Variants in HMGCLL1 observed in about 807,000 individuals in gnomAD.
The protein encoded by HMGCLL1 is 3-hydroxymethyl-3-methylglutaryl-CoA lyase, cytoplasmic.
HMGCLL1 carries 36 observed loss-of-function variants against 39.1 expected under a neutral mutation model. The ratio of observed to expected loss-of-function variants is 0.92; its 90% CI spans 0.71 to 1.22. HMGCLL1 has a LOEUF of 1.22. Among genes scored for constraint, HMGCLL1 ranks in the 50% most tolerant of loss-of-function variants. The probability of loss-of-function intolerance (pLI) is 0.00; values close to 1 mark genes in which losing one functional copy is unlikely to be tolerated. For missense variants in HMGCLL1, 451 were observed against 416.5 expected, an observed-to-expected ratio of 1.08 and a Z score of -0.72; for synonymous variants, 149 against 144.0, an observed-to-expected ratio of 1.03 and a Z score of -0.25.
At chr6:55,666,901 T>C in the HMGCLL1 span, among the ~76,000 whole-genome samples, 2 of 151,582 alleles carry the variant, frequency 1.3e-5, no homozygotes, top group Non-Finnish European at 3.0e-5. Flanking sequence ...TACAACATTA[T>C]ACATAGAAGC....
At chr6:55,596,152 C>A in the HMGCLL1 span, among the ~76,000 whole-genome samples, 1 of 152,076 alleles carries the variant, frequency 6.6e-6, no homozygotes, top group East Asian at 1.9e-4. Context: ...TGGTGAAACC[C>A]CATCTCTACC....
chr6:55,664,932 G>C, the HMGCLL1 span, among the ~76,000 whole-genome samples: 2 of 151,676 alleles, frequency 1.3e-5, no homozygotes, highest in African/African-American at 2.4e-5. Flanking sequence ...TGGGGAGAGA[G>C]AGAAAGAGAC....
chr6:55,641,157 A>G, the HMGCLL1 span, among the ~76,000 whole-genome samples: 1 of 151,846 alleles, frequency 6.6e-6, no homozygotes, highest in African/African-American at 2.4e-5. Context: ...AAAAAACAGT[A>G]ACAAAAACTA....
chr6:55,544,123 G>C (rs1400314212), intron 1 of HMGCLL1, among the ~76,000 whole-genome samples: 1 of 151,932 alleles, frequency 6.6e-6, no homozygotes, highest in African/African-American at 2.4e-5. Context: ...TAACCCACTG[G>C]GAGCAGCCTA....
chr6:55,633,881 T>C, the HMGCLL1 span, among the ~76,000 whole-genome samples: 1 of 152,050 alleles, frequency 6.6e-6, no homozygotes, highest in Non-Finnish European at 1.5e-5. Flanking sequence ...TGCCGAAAAA[T>C]TGTTTTTAAG....
At chr6:55,642,108 T>G in the HMGCLL1 span, among the ~76,000 whole-genome samples, 1 of 120,422 alleles carries the variant, frequency 8.3e-6, no homozygotes. Context: ...CCTTCCTGTG[T>G]CCATGTGATC....
intron 3 of HMGCLL1, among the ~76,000 whole-genome samples, chr6:55,532,830 T>A (rs1397905919): frequency 1.4e-5 from 2 of 146,818 alleles, no homozygotes; most frequent in Non-Finnish European, 3.0e-5. Context: ...ATAATAATAA[T>A]AATAATAATA....
chr6:55,435,793 G>A, intron 8 of HMGCLL1, 30 bp from the exon 9 acceptor site: 2 of 1,197,666 alleles, frequency 1.7e-6, no homozygotes, highest in Non-Finnish European at 2.4e-6. Context: ...ATATCAGGAA[G>A]GCAGAGGGAT....
chr6:55,616,195 T>C, the HMGCLL1 span, among the ~76,000 whole-genome samples: 3 of 152,090 alleles, frequency 2.0e-5, no homozygotes, highest in Non-Finnish European at 2.9e-5. Flanking sequence ...AATCTATGTT[T>C]GCTATGGGAT....
At chr6:55,443,842 T>C (rs1763707722) in intron 7 of HMGCLL1, among the ~76,000 whole-genome samples, 1 of 152,098 alleles carries the variant, frequency 6.6e-6, no homozygotes, top group Admixed American at 6.6e-5. Context: ...TTCAACAACA[T>C]GGACTAATTT....
intron 5 of HMGCLL1, among the ~76,000 whole-genome samples, chr6:55,508,890 G>C (rs2127432998): frequency 6.6e-6 from 1 of 151,802 alleles, no homozygotes; most frequent in Middle Eastern, 3.4e-3. Context: ...TCCAGCAAAA[G>C]AATATTTAAT....
chr6:55,604,112 A>G, the HMGCLL1 span, among the ~76,000 whole-genome samples: 5 of 152,104 alleles, frequency 3.3e-5, no homozygotes, highest in African/African-American at 4.8e-5. Flanking sequence ...AAAGGAAAGC[A>G]TTTAGAGAAA....
At chr6:55,494,787 G>T (rs57555928) in intron 7 of HMGCLL1, among the ~76,000 whole-genome samples, 3 of 151,956 alleles carry the variant, frequency 2.0e-5, no homozygotes, top group East Asian at 3.9e-4. Context: ...AATAATACTC[G>T]TTTAATGCTA....
chr6:55,462,839 G>T (rs1764633191), intron 7 of HMGCLL1, among the ~76,000 whole-genome samples: 1 of 152,090 alleles, frequency 6.6e-6, no homozygotes, highest in African/African-American at 2.4e-5. Flanking sequence ...CTTCTCAGGA[G>T]TAGTTAACTG....
chr6:55,472,038 T>A (rs149459990), intron 7 of HMGCLL1, among the ~76,000 whole-genome samples: 40 of 151,898 alleles, frequency 2.6e-4, no homozygotes, highest in African/African-American at 8.4e-4. Context: ...AGAATCTATG[T>A]ACAAATTTTA....
At chr6:55,570,590 A>G (rs1196889709) in intron 1 of HMGCLL1, among the ~76,000 whole-genome samples, 2 of 152,128 alleles carry the variant, frequency 1.3e-5, no homozygotes, top group Non-Finnish European at 2.9e-5. Context: ...TTTCACCATC[A>G]TTCCCTTCAT....
the HMGCLL1 span, among the ~76,000 whole-genome samples, chr6:55,605,831 A>G: frequency 3.3e-5 from 5 of 152,230 alleles, no homozygotes; most frequent in South Asian, 2.1e-4. Context: ...ATGTTGCAAT[A>G]TTTATTTTCA....
chr6:55,456,385 T>C (rs1051839255), intron 7 of HMGCLL1, among the ~76,000 whole-genome samples: 1 of 152,236 alleles, frequency 6.6e-6, no homozygotes, highest in African/African-American at 2.4e-5. Flanking sequence ...TCTTTAGATA[T>C]GAGTCAAATT....
At chr6:55,453,379 C>T (rs182557742) in intron 7 of HMGCLL1, among the ~76,000 whole-genome samples, 138 of 152,212 alleles carry the variant, frequency 9.1e-4, no homozygotes, top group African/African-American at 3.2e-3. Context: ...CGGGGTTTCA[C>T]CGCGTTAGCC....
Sources: gnomAD v4.1 joint callset for allele counts (sites outside exome capture counted in the v4.1 genomes callset) on GRCh38, gnomAD v4.1.1 for gene constraint, MANE v1.5 for transcripts, NCBI Gene and HGNC (gene_info 2026-07-23, HGNC 2026-07-21) for gene names.